SPAG16: variants seen among roughly 807,000 people sequenced by gnomAD.
The protein encoded by SPAG16 is sperm associated antigen 16, also known as sperm-associated antigen 16 protein.
A neutral mutation model predicts 80.4 loss-of-function variants in SPAG16; 86 were observed. The observed-to-expected ratio is 1.07, with a 90% CI of 0.90 to 1.28. The LOEUF (loss-of-function observed/expected upper bound fraction) is 1.28, where lower values mean the gene tolerates loss of function less well. Ranked by LOEUF, SPAG16 falls within the 50% of genes most tolerant of loss-of-function variation. SPAG16 has a pLI of 0.00. For missense variants in SPAG16, 870 were observed against 765.3 expected, an observed-to-expected ratio of 1.14 and a Z score of -1.61; for synonymous variants, 294 against 265.9, an observed-to-expected ratio of 1.11 and a Z score of -1.03.
intron 10 of SPAG16, among the ~76,000 whole-genome samples, chr2:213,728,508 C>T (rs2066875064): frequency 6.6e-6 from 1 of 152,116 alleles, no homozygotes; most frequent in African/African-American, 2.4e-5. Context: ...TTAGAGAACA[C>T]GTTATAGTCT....
intron 9 of SPAG16, among the ~76,000 whole-genome samples, chr2:213,383,388 A>G (rs1165020203): frequency 6.6e-6 from 1 of 152,126 alleles, no homozygotes; most frequent in East Asian, 1.9e-4. Context: ...TGTTCTTCTC[A>G]TAATGAAGTG....
chr2:213,789,999 C>T (rs947243698), intron 10 of SPAG16, among the ~76,000 whole-genome samples: 2 of 151,626 alleles, frequency 1.3e-5, no homozygotes, highest in Non-Finnish European at 3.0e-5. Context: ...TAAAATCTGC[C>T]CTTCAAAAAT....
rs568215679 is a variant in SPAG16, at chr2:213,658,828, G to T, written c.1070+168738G>T. ...CCAAGGTGGGCGGATCACGAAGTCA[G>T]GAGATGAGACCATCCTGGCCAACAT... On this transcript the variant is annotated intron_variant, in intron 10 of 15. Transcript: ENST00000331683. Among the ~76,000 whole-genome samples the T allele has an allele frequency of 9.2e-5, 14 of 152,272 alleles. No individual in the cohort carries two copies. In the South Asian group the frequency reaches 1.5e-3, roughly 16 times the overall value.
chr2:213,367,448 C>T (rs2066368801), intron 8 of SPAG16, among the ~76,000 whole-genome samples: 1 of 152,288 alleles, frequency 6.6e-6, no homozygotes, highest in Non-Finnish European at 1.5e-5. Context: ...TCTCCAGCAC[C>T]TGTTGTTTCC....
chr2:214,262,596 A>G (rs1184700475), intron 15 of SPAG16, among the ~76,000 whole-genome samples: 7 of 152,048 alleles, frequency 4.6e-5, no homozygotes, highest in African/African-American at 1.7e-4. Flanking sequence ...ATCATGTTAA[A>G]TTAACCATAA....
intron 10 of SPAG16, among the ~76,000 whole-genome samples, chr2:213,813,325 G>A (rs538955824): frequency 3.3e-5 from 5 of 152,148 alleles, no homozygotes; most frequent in Non-Finnish European, 7.3e-5. Context: ...AAGGTCAAAT[G>A]TAGGCTAGTG....
chr2:213,594,507 G>T (rs1317775882), intron 10 of SPAG16, among the ~76,000 whole-genome samples: 1 of 152,120 alleles, frequency 6.6e-6, no homozygotes, highest in Non-Finnish European at 1.5e-5. Context: ...TTTGCGGGGA[G>T]AATGGGGGTG....
chr2:213,912,816 C>G (rs1363706255), intron 11 of SPAG16, among the ~76,000 whole-genome samples: 3 of 152,082 alleles, frequency 2.0e-5, no homozygotes, highest in Non-Finnish European at 2.9e-5. Context: ...CCCAGCTGAC[C>G]TACAAATCAT....
At chr2:214,001,599 T>A (rs1459450069) in intron 12 of SPAG16, among the ~76,000 whole-genome samples, 2 of 152,186 alleles carry the variant, frequency 1.3e-5, no homozygotes, top group Non-Finnish European at 2.9e-5. Flanking sequence ...CAATGTGACA[T>A]TTCACTTTTA....
At chr2:213,724,136 A>T (rs974922045) in intron 10 of SPAG16, among the ~76,000 whole-genome samples, 4 of 152,222 alleles carry the variant, frequency 2.6e-5, no homozygotes, top group Non-Finnish European at 5.9e-5. Context: ...TTTTTACTTG[A>T]CATGAGTGGA....
chr2:213,859,178 C>CAAAAAAAAAAAAAAAAAAAAAAAA (rs1165853142), intron 10 of SPAG16, among the ~76,000 whole-genome samples: 4 of 9,378 alleles, frequency 4.3e-4, no homozygotes, highest in Admixed American at 1.2e-3. Flanking sequence ...CACTCCGTCT[C>CAAAAAAAAAAAAAAAAAAAAAAAA]AAAAAAAAAA....
rs138535756 is a variant in SPAG16, at chr2:213,359,623, C to T, written c.763-4453C>T. Among the ~76,000 whole-genome samples, 1,332 of 152,356 alleles carry T rather than the reference C, an allele frequency of 8.7e-3. 9 individuals carry two copies. Among genetic ancestry groups the T allele is most frequent in the Middle Eastern group, 0.031 (9 of 294 alleles). On this transcript the variant is annotated intron_variant, in intron 7 of 15. Coordinates refer to ENST00000331683, the MANE Select transcript of SPAG16 (RefSeq NM_024532.5). ...CTCCTGGTCTGCCAGTTGCTAAGACCATGGGAAAAGTGCAGTATTTGGACA... is the reference window on the plus strand; with the variant it reads ...CTCCTGGTCTGCCAGTTGCTAAGACTATGGGAAAAGTGCAGTATTTGGACA...
rs370127389 is a variant in SPAG16 at position 213,849,287 on chromosome 2, T to C, written c.1071-13198T>C. On this transcript the variant is annotated intron_variant, in intron 10 of 15. Coordinates refer to ENST00000331683, the MANE Select transcript of SPAG16 (RefSeq NM_024532.5). ...TAGAACTAACACATCACCGTGAGAA[T>C]GGCACCACGACATCCATGAAGGATC... 5.9e-5 allele frequency among the ~76,000 whole-genome samples: 9 copies of C among 152,216 alleles called. No individual in the cohort carries two copies. The East Asian group carries it at 1.2e-3, about 20-fold the overall frequency.
intron 15 of SPAG16, among the ~76,000 whole-genome samples, chr2:214,227,450 A>G (rs111642466): frequency 0.018 from 2,733 of 152,060 alleles, 51 homozygotes; most frequent in African/African-American, 0.043. Flanking sequence ...AACATTTCCT[A>G]TTATCCTTGA....
intron 15 of SPAG16, among the ~76,000 whole-genome samples, chr2:214,155,736 A>T (rs962401284): frequency 3.3e-5 from 5 of 152,040 alleles, no homozygotes; most frequent in Non-Finnish European, 7.4e-5. Flanking sequence ...AGCAACATTA[A>T]CTCACACCTC....
chr2:214,213,838 G>C (rs1281577318), intron 15 of SPAG16, among the ~76,000 whole-genome samples: 1 of 152,152 alleles, frequency 6.6e-6, no homozygotes, highest in East Asian at 1.9e-4. Context: ...TGCTACCTCT[G>C]CTTTACAGTT....
intron 11 of SPAG16, among the ~76,000 whole-genome samples, 166 bp downstream of exon 11, chr2:213,862,794 T>C (rs545987865): frequency 5.3e-4 from 80 of 152,350 alleles, no homozygotes; most frequent in African/African-American, 1.9e-3. Context: ...TTTCAGTATA[T>C]TGACTTCTGA....
At chr2:213,934,312 T>G (rs1215815126) in intron 12 of SPAG16, among the ~76,000 whole-genome samples, 1 of 152,226 alleles carries the variant, frequency 6.6e-6, no homozygotes, top group Non-Finnish European at 1.5e-5. Context: ...GTGCATTGTG[T>G]TCATGGTGGT....
chr2:213,712,703 A>G (rs1444881374), intron 10 of SPAG16, among the ~76,000 whole-genome samples: 1 of 152,044 alleles, frequency 6.6e-6, no homozygotes, highest in African/African-American at 2.4e-5. Context: ...AGCTGTCTCA[A>G]AAAAGACCAT....
Sources: allele counts gnomAD v4.1 joint callset (sites outside exome capture counted in the v4.1 genomes callset), GRCh38; gene constraint gnomAD v4.1.1; transcripts MANE v1.5; gene names NCBI Gene and HGNC (gene_info 2026-07-23, HGNC 2026-07-21).